The following ROBO1 variants were observed in gnomAD, a reference collection of about 807,000 sequenced individuals.
ROBO1 encodes the protein roundabout guidance receptor 1, also known as roundabout homolog 1.
Under a neutral mutation model 195.9 loss-of-function variants are expected in ROBO1, and 149 were observed. The ratio of observed to expected loss-of-function variants is 0.76; its 90% CI spans 0.67 to 0.87. ROBO1 has a LOEUF of 0.87. Among genes scored for constraint, ROBO1 ranks in the 40% least tolerant of loss-of-function variants. The pLI, the probability that ROBO1 is intolerant of heterozygous loss-of-function variation, is 0.00. For synonymous variants in ROBO1, 816 were observed against 733.2 expected (o/e 1.11, Z -1.82); for missense variants, 1,933 against 2,068.3 (o/e 0.93, Z 1.27).
chr3:78,804,134 A>T (rs333483), intron 4 of ROBO1, among the ~76,000 whole-genome samples: 1 of 151,898 alleles, frequency 6.6e-6, no homozygotes, highest in Non-Finnish European at 1.5e-5. Flanking sequence ...ATACTCTTTA[A>T]AAAATAATAG....
chr3:79,227,721 C>G (rs1258668378), intron 2 of ROBO1, among the ~76,000 whole-genome samples: 4 of 152,158 alleles, frequency 2.6e-5, no homozygotes, highest in Non-Finnish European at 4.4e-5. Flanking sequence ...ACTATTTGAC[C>G]TCACAGGGTG....
chr3:78,648,023 CAG>C (rs773294937), intron 19 of ROBO1, among the ~76,000 whole-genome samples: 4 of 151,942 alleles, frequency 2.6e-5, no homozygotes, highest in Non-Finnish European at 5.9e-5. Context: ...TAAGTATTAT[CAG>C]AGTCTTGCTG....
intron 8 of ROBO1, among the ~76,000 whole-genome samples, chr3:78,693,539 T>C (rs763507874): frequency 6.6e-6 from 1 of 152,188 alleles, no homozygotes; most frequent in Non-Finnish European, 1.5e-5. Flanking sequence ...TTAGGTATAA[T>C]CATGATTAAT....
chr3:79,539,703 G>A (rs967627421), intron 2 of ROBO1, among the ~76,000 whole-genome samples: 4 of 152,068 alleles, frequency 2.6e-5, no homozygotes, highest in Non-Finnish European at 5.9e-5. Context: ...ATTAGAATTT[G>A]TGTAGAGTAT....
At chr3:79,720,826 G>A (rs544384562) in intron 1 of ROBO1, among the ~76,000 whole-genome samples, 200 of 146,916 alleles carry the variant, frequency 1.4e-3, no homozygotes, top group African/African-American at 4.6e-3. Context: ...GGAGTCTCGC[G>A]CTGTTGCCCA....
At chr3:79,021,440 G>A (rs1237416319) in intron 3 of ROBO1, among the ~76,000 whole-genome samples, 2 of 151,992 alleles carry the variant, frequency 1.3e-5, no homozygotes, top group African/African-American at 4.8e-5. Flanking sequence ...TTAGTAATGG[G>A]GGTATACTTT....
intron 2 of ROBO1, among the ~76,000 whole-genome samples, chr3:79,275,329 T>C (rs1275715261): frequency 2.6e-5 from 4 of 151,878 alleles, no homozygotes; most frequent in South Asian, 2.1e-4. Context: ...GCTTAACATA[T>C]ACAATTCAAT....
chr3:78,669,931 T>C (rs989262182), intron 11 of ROBO1, among the ~76,000 whole-genome samples, 165 bp downstream of exon 11: 5 of 152,134 alleles, frequency 3.3e-5, no homozygotes, highest in Admixed American at 3.3e-4. Context: ...ATCTCAAACA[T>C]ATACAATGAA....
intron 1 of ROBO1, among the ~76,000 whole-genome samples, chr3:79,700,317 T>TGTTTGTG (rs1553793340): frequency 1.4e-5 from 2 of 144,150 alleles, no homozygotes; most frequent in African/African-American, 2.6e-5. Flanking sequence ...GTGTGTGTGT[T>TGTTTGTG]TGTGTGTGTG....
chr3:79,334,841 C>T (rs1159030255), intron 2 of ROBO1, among the ~76,000 whole-genome samples: 1 of 151,842 alleles, frequency 6.6e-6, no homozygotes, highest in African/African-American at 2.4e-5. Context: ...TGTGGTGGCT[C>T]ATGCCTATAA....
At chr3:79,313,004 T>C (rs949619910) in intron 2 of ROBO1, among the ~76,000 whole-genome samples, 12 of 152,086 alleles carry the variant, frequency 7.9e-5, no homozygotes, top group Non-Finnish European at 1.8e-4. Flanking sequence ...AAAAGTATGA[T>C]ATATTCTAAA....
chr3:79,138,287 T>C (rs529702656), intron 2 of ROBO1, among the ~76,000 whole-genome samples: 1 of 152,030 alleles, frequency 6.6e-6, no homozygotes, highest in Non-Finnish European at 1.5e-5. Context: ...GAGTACACAA[T>C]CAATACTTTT....
At chr3:79,488,071 C>G (rs902635943) in intron 2 of ROBO1, among the ~76,000 whole-genome samples, 11 of 151,960 alleles carry the variant, frequency 7.2e-5, no homozygotes, top group Admixed American at 1.3e-4. Context: ...ACTCTGTTAG[C>G]TGTTCCTGAA....
At chr3:79,411,911 G>T (rs1397658478) in intron 2 of ROBO1, among the ~76,000 whole-genome samples, 1 of 152,052 alleles carries the variant, frequency 6.6e-6, no homozygotes, top group Non-Finnish European at 1.5e-5. Context: ...TGAAAACCCT[G>T]GTTACTCACG....
At chr3:78,984,533 G>C (rs1167088506) in intron 3 of ROBO1, among the ~76,000 whole-genome samples, 1 of 152,116 alleles carries the variant, frequency 6.6e-6, no homozygotes, top group Non-Finnish European at 1.5e-5. Context: ...TGTTATAAAG[G>C]TATTTTAATG....
chr3:78,910,915 G>C (rs1559990238), intron 4 of ROBO1, among the ~76,000 whole-genome samples: 2 of 151,902 alleles, frequency 1.3e-5, no homozygotes, highest in African/African-American at 2.4e-5. Flanking sequence ...AAATTAACAG[G>C]TCCCATCCCA....
At chr3:79,294,049 C>A (rs1375517133) in intron 2 of ROBO1, among the ~76,000 whole-genome samples, 3 of 99,260 alleles carry the variant, frequency 3.0e-5, no homozygotes, top group African/African-American at 1.3e-4. Context: ...CAGAGCGAGA[C>A]TCCATCTCAA....
chr3:79,553,084 G>A (rs1404337459), intron 2 of ROBO1, among the ~76,000 whole-genome samples: 1 of 152,056 alleles, frequency 6.6e-6, no homozygotes, highest in Non-Finnish European at 1.5e-5. Context: ...TAATTTCACA[G>A]TTGATTTGTA....
In ROBO1 at chr3:78,667,980, TC is replaced by T; in HGVS notation, c.1868del (p.Gly623AspfsTer12). On this transcript the variant is annotated frameshift_variant, in exon 14 of 31. Transcript: ENST00000464233. LOFTEE classifies it high-confidence loss of function. ...NVKTETSAIK[G>X]LKPNAIYLFL... is the part of the protein sequence containing the mutation. ...AAAGGTAAATTGCATTAGGTTTGAG[TC>T]CTTTAATGGCAGATGTTTCTGTTTT... is the stretch of plus-strand genomic sequence containing the variant. 6.2e-7 allele frequency: 1 copy of T among 1,613,764 alleles called. No homozygotes were observed. Among genetic ancestry groups the T allele is most frequent in the African/African-American group, 1.3e-5 (1 of 75,028 alleles).
Sources: gnomAD v4.1 joint callset for allele counts (sites outside exome capture counted in the v4.1 genomes callset) on GRCh38, gnomAD v4.1.1 for gene constraint, MANE v1.5 for transcripts, NCBI Gene and HGNC (gene_info 2026-07-23, HGNC 2026-07-21) for gene names.